Variants in APLP2 observed in about 807,000 individuals in gnomAD.
APLP2 encodes amyloid beta precursor like protein 2, also known as CDEI box-binding protein.
Under a neutral mutation model 89.9 loss-of-function variants are expected in APLP2, and 53 were observed. That is an observed-to-expected ratio of 0.59 (90% CI 0.47 to 0.74). The LOEUF (loss-of-function observed/expected upper bound fraction) is 0.74. Ranked by LOEUF, APLP2 falls within the 30% of genes least tolerant of loss-of-function variation. The pLI is 0.00. For missense variants in APLP2, 973 were observed against 975.9 expected (o/e 1.00, Z 0.04); for synonymous variants, 372 against 348.6 (o/e 1.07, Z -0.75).
rs1255896398 is a variant in APLP2, at chr11:130,121,888, G to A, written c.713+78G>A. 5.2e-6 allele frequency: 8 copies of A among 1,552,710 alleles called. No individual in the cohort carries two copies. In the East Asian group the frequency reaches 1.8e-4, roughly 35 times the overall value. On this transcript the variant is annotated intron_variant, in intron 5 of 16. Coordinates refer to ENST00000338167, the MANE Select transcript of APLP2 (RefSeq NM_001142276.2). ...CTGTAAAGACGGCTGTTGGCTGCTA[G>A]TCCCTCACTTCTGGATAAACTGGGC...
intron 12 of APLP2, among the ~76,000 whole-genome samples, chr11:130,134,744 G>C (rs938005602): frequency 1.3e-5 from 2 of 152,210 alleles, no homozygotes; most frequent in Non-Finnish European, 2.9e-5. Context: ...GACAGCTGGG[G>C]ATGGTCTGTA....
chr11:130,134,843 C>T (rs2136085624), intron 12 of APLP2, among the ~76,000 whole-genome samples: 1 of 152,242 alleles, frequency 6.6e-6, no homozygotes, highest in African/African-American at 2.4e-5. Context: ...CTTAGGGTTC[C>T]ACTGGGAGCA....
chr11:130,139,157 G>C (rs181309718), intron 13 of APLP2: 28 of 152,310 alleles, frequency 1.8e-4, no homozygotes, highest in African/African-American at 6.5e-4. Context: ...ATCTAGTCGT[G>C]CAAGTCTTTA....
At chr11:130,135,334 G>C (rs1478264985) in intron 12 of APLP2, among the ~76,000 whole-genome samples, 1 of 152,172 alleles carries the variant, frequency 6.6e-6, no homozygotes, top group Non-Finnish European at 1.5e-5. Flanking sequence ...CCCAAAATCT[G>C]TGGAGTTGTG....
rs373597680 is a variant in APLP2 at position 130,109,611 on chromosome 11, G to T, written c.279+9G>T. ...TTCAGTACTGTCAGGAGGTAAGAGT[G>T]TTGCCAGTAAGTTGAAAGTGTTATT... On this transcript the variant is annotated intron_variant, in intron 2 of 16. Transcript: ENST00000338167. 3.6e-4 allele frequency: 570 copies of T among 1,600,540 alleles called. No homozygotes were observed. Among genetic ancestry groups the T allele is most frequent in the Non-Finnish European group, 4.5e-4 (525 of 1,174,930 alleles).
At chr11:130,079,061 C>G (rs1422849001) in intron 1 of APLP2, among the ~76,000 whole-genome samples, 1 of 151,658 alleles carries the variant, frequency 6.6e-6, no homozygotes, top group Non-Finnish European at 1.5e-5. Context: ...GTTTTCCAAT[C>G]CGGGAACATG....
chr11:130,092,529 G>C (rs1384422536), intron 1 of APLP2, among the ~76,000 whole-genome samples: 13 of 145,154 alleles, frequency 9.0e-5, no homozygotes, highest in African/African-American at 3.5e-4. Flanking sequence ...AGACCGGCCC[G>C]GCCAACACAG....
chr11:130,091,066 A>G (rs1944992064), intron 1 of APLP2, among the ~76,000 whole-genome samples: 1 of 135,038 alleles, frequency 7.4e-6, no homozygotes, highest in African/African-American at 2.9e-5. Flanking sequence ...TCCCTCCCGG[A>G]CGGGGCGGCT....
In APLP2 at chr11:130,141,972, T is replaced by TG; in HGVS notation, c.2054dup (p.Leu686ProfsTer35). The TG allele has an allele frequency of 6.2e-7, 1 of 1,614,108 alleles. No homozygotes were observed. Among genetic ancestry groups the TG allele is most frequent in the South Asian group, 1.1e-5 (1 of 91,084 alleles). ...TCAGTCTGAGTAGCAGTGCTCTCATTGGCCTGCTGGTCATCGCAGTGGCCA... is the reference window on the plus strand; with the variant it reads ...TCAGTCTGAGTAGCAGTGCTCTCATTGGGCCTGCTGGTCATCGCAGTGGCCA... On this transcript the variant is annotated frameshift_variant, in exon 16 of 17. Transcript: ENST00000338167. LOFTEE classifies it high-confidence loss of function. The surrounding 1 kb of genome is among the most constrained non-coding windows in gnomAD (Gnocchi z 4.2).
At chr11:130,085,880 T>C (rs1944030832) in intron 1 of APLP2, among the ~76,000 whole-genome samples, 1 of 152,214 alleles carries the variant, frequency 6.6e-6, no homozygotes, top group Admixed American at 6.5e-5. Flanking sequence ...CAGAATTCCA[T>C]TCCTTTTCGA....
chr11:130,109,372 T>C, intron 1 of APLP2, 57 bp from the exon 2 acceptor site: 1 of 1,503,748 alleles, frequency 6.7e-7, no homozygotes, highest in South Asian at 1.3e-5. Context: ...CCTGAATGAC[T>C]GTTGCCTCTG....
chr11:130,088,791 A>G (rs1206392564), intron 1 of APLP2, among the ~76,000 whole-genome samples: 2 of 152,000 alleles, frequency 1.3e-5, no homozygotes, highest in Non-Finnish European at 2.9e-5. Flanking sequence ...TATAATATTA[A>G]TAATATACCT....
chr11:130,106,512 C>G (rs868543750), intron 1 of APLP2, among the ~76,000 whole-genome samples: 3 of 152,184 alleles, frequency 2.0e-5, no homozygotes, highest in Non-Finnish European at 2.9e-5. Flanking sequence ...CTCAACACTT[C>G]AGTGGTAAGG....
chr11:130,088,397 A>G (rs920934897), intron 1 of APLP2, among the ~76,000 whole-genome samples: 2 of 152,158 alleles, frequency 1.3e-5, no homozygotes, highest in African/African-American at 4.8e-5. Context: ...ATCTTTGGGA[A>G]AATCTCTGAC....
intron 1 of APLP2, among the ~76,000 whole-genome samples, chr11:130,101,769 G>A (rs540140941): frequency 6.6e-6 from 1 of 152,276 alleles, no homozygotes; most frequent in African/African-American, 2.4e-5. Context: ...CTCGTAATGC[G>A]ATGATCAAAA....
intron 1 of APLP2, among the ~76,000 whole-genome samples, chr11:130,091,938 G>T (rs1431164917): frequency 7.6e-6 from 1 of 130,744 alleles, no homozygotes; most frequent in Non-Finnish European, 1.6e-5. Context: ...GGCAGCTGCC[G>T]GGCGGAGGGG....
chr11:130,139,192 A>G (rs1952038104), intron 13 of APLP2: 1 of 152,228 alleles, frequency 6.6e-6, no homozygotes, highest in East Asian at 1.9e-4. Flanking sequence ...GAAAAATTGC[A>G]TCATTTTTGG....
chr11:130,109,738 T>G, intron 2 of APLP2, 136 bp downstream of exon 2: 1 of 925,414 alleles, frequency 1.1e-6, no homozygotes, highest in Non-Finnish European at 1.5e-6. Context: ...CCAAGCCTTT[T>G]GTTTCTAAAT....
Position 130,143,588 on chromosome 11 carries a change from A to C in APLP2, c.*140A>C, listed in dbSNP as rs1952677760. 1 of 664,878 alleles carries C rather than the reference A, an allele frequency of 1.5e-6. No homozygotes were observed. The highest frequency in any genetic ancestry group is 1.7e-5 in the South Asian group (1 of 57,884). 41.2% of individuals were successfully genotyped at this position (664,878 alleles called of 1,614,324 possible). A position where few individuals can be genotyped will look rare whatever the true frequency, so the allele number is the denominator to read the frequency against. ...CCTCCTGGACTGTAGGACTATATAA[A>C]GTACTACTGTAGAACTGCAATTTCC... On this transcript the variant is annotated 3_prime_UTR_variant, in exon 17 of 17. Transcript: ENST00000338167.
Sources: allele counts gnomAD v4.1 joint callset (sites outside exome capture counted in the v4.1 genomes callset), GRCh38; gene constraint gnomAD v4.1.1; non-coding constraint Gnocchi (gnomAD v3.1); transcripts MANE v1.5; gene names NCBI Gene and HGNC (gene_info 2026-07-23, HGNC 2026-07-21).